The following JPH2 variants were observed in gnomAD, a reference collection of about 807,000 sequenced individuals.
JPH2 encodes the protein junctophilin-2.
JPH2 carries 38 observed loss-of-function variants against 55.9 expected under a neutral mutation model. The ratio of observed to expected loss-of-function variants is 0.68; its 90% CI spans 0.52 to 0.89. The LOEUF (loss-of-function observed/expected upper bound fraction) is 0.89, where lower values mean the gene tolerates loss of function less well. JPH2 is among the 40% of genes least tolerant of loss of function. JPH2 has a pLI of 0.00. For synonymous variants in JPH2, 480 were observed against 472.4 expected (o/e 1.02, Z -0.21); for missense variants, 964 against 1,037.6 (o/e 0.93, Z 0.97).
At chr20:44,127,381 A>T (rs1243255632) in intron 2 of JPH2, among the ~76,000 whole-genome samples, 1 of 152,138 alleles carries the variant, frequency 6.6e-6, no homozygotes, top group African/African-American at 2.4e-5. Flanking sequence ...AGGATCTGCC[A>T]AACTGGTCTT....
chr20:44,135,275 T>C (rs1484586933), intron 2 of JPH2, among the ~76,000 whole-genome samples: 2 of 152,078 alleles, frequency 1.3e-5, no homozygotes, highest in East Asian at 3.9e-4. Flanking sequence ...ATGGAAATGC[T>C]TTCATGTAAC....
intron 1 of JPH2, among the ~76,000 whole-genome samples, chr20:44,173,879 C>A (rs1454720110): frequency 6.6e-6 from 1 of 152,210 alleles, no homozygotes; most frequent in African/African-American, 2.4e-5. Context: ...TACCACTGCA[C>A]TCCAGCCTGG....
intron 2 of JPH2, among the ~76,000 whole-genome samples, chr20:44,131,034 T>A (rs796932162): frequency 2.0e-5 from 3 of 152,306 alleles, no homozygotes; most frequent in African/African-American, 7.2e-5. Context: ...TTCTTCAAAG[T>A]AAGAGATGTC....
At chr20:44,127,439 G>A (rs6103637) in intron 2 of JPH2, among the ~76,000 whole-genome samples, 20,347 of 151,602 alleles carry the variant, frequency 0.13, 1,488 homozygotes, top group East Asian at 0.26. Flanking sequence ...GGTAATACAC[G>A]AGAGTTCCAG....
intron 1 of JPH2, among the ~76,000 whole-genome samples, chr20:44,178,820 T>A (rs1301649322): frequency 6.6e-6 from 1 of 152,182 alleles, no homozygotes; most frequent in African/African-American, 2.4e-5. Flanking sequence ...AGAAAAGATA[T>A]TCTATTATGC....
intron 2 of JPH2, among the ~76,000 whole-genome samples, chr20:44,155,642 C>T (rs1015807512): frequency 9.9e-5 from 15 of 152,148 alleles, no homozygotes; most frequent in African/African-American, 3.6e-4. Flanking sequence ...GGCTGACCCA[C>T]CTTAGCCAAG....
intron 2 of JPH2, among the ~76,000 whole-genome samples, chr20:44,129,714 T>G (rs751403837): frequency 6.6e-6 from 1 of 152,102 alleles, no homozygotes; most frequent in African/African-American, 2.4e-5. Flanking sequence ...CAAAGAGGGC[T>G]TTGCAGGTGT....
At chr20:44,185,299 C>T (rs1310574318) in intron 1 of JPH2, among the ~76,000 whole-genome samples, 3 of 151,972 alleles carry the variant, frequency 2.0e-5, no homozygotes, top group Non-Finnish European at 4.4e-5. Context: ...AAAGCAAGAC[C>T]TATCTTTAAA....
intron 1 of JPH2, among the ~76,000 whole-genome samples, chr20:44,171,139 A>G (rs1410558795): frequency 1.3e-5 from 2 of 152,172 alleles, no homozygotes; most frequent in South Asian, 2.1e-4. Context: ...ATCCCTAGGG[A>G]AAAGATTCTG....
At chr20:44,125,173 ATC>A (rs1278260114) in intron 2 of JPH2, among the ~76,000 whole-genome samples, 1 of 152,044 alleles carries the variant, frequency 6.6e-6, no homozygotes, top group Non-Finnish European at 1.5e-5. Flanking sequence ...AAATCCAGAT[ATC>A]TGTGTCCCTG....
In JPH2 at chr20:44,116,456, T is replaced by A. The variant is rs1462400664; in HGVS notation, c.1289-70A>T. On this transcript the variant is annotated intron_variant, in intron 3 of 5. Transcript: ENST00000372980. Reference sequence around the variant, plus strand: ...TGTTGGGTGATCCTGGGCCAGCCACTTCACCTCTCGAGCCTCATTCATGGG... The same window carrying A: ...TGTTGGGTGATCCTGGGCCAGCCACATCACCTCTCGAGCCTCATTCATGGG... 3.9e-6 allele frequency: 6 copies of A among 1,523,358 alleles called. No individual in the cohort carries two copies. In the African/African-American group the frequency reaches 6.9e-5, roughly 18 times the overall value. The allele number at this position is 1,523,358 out of a possible 1,614,324, so 94.4% of individuals were successfully genotyped here.
chr20:44,134,246 A>T lies in JPH2; in HGVS notation c.1170-15623T>A, dbSNP rs1322202813. ...TAAATATATATAAATATTTATTATA[A>T]ATACATATAAATAAATATTTATTAT... On this transcript the variant is annotated intron_variant, in intron 2 of 5. Coordinates refer to ENST00000372980, the MANE Select transcript of JPH2 (RefSeq NM_020433.5). Among the ~76,000 whole-genome samples, 2 of 34,912 alleles carry T rather than the reference A, an allele frequency of 5.7e-5. 1 individual carries two copies. Among genetic ancestry groups the T allele is most frequent in the Non-Finnish European group, 9.3e-5 (2 of 21,458 alleles). 22.9% of individuals were successfully genotyped at this position (34,912 alleles called of 152,430 possible).
At chr20:44,141,186 G>A (rs1008182575) in intron 2 of JPH2, among the ~76,000 whole-genome samples, 1 of 152,156 alleles carries the variant, frequency 6.6e-6, no homozygotes, top group Non-Finnish European at 1.5e-5. Context: ...TCCCACTAAC[G>A]GAAGCCTAAT....
intron 2 of JPH2, among the ~76,000 whole-genome samples, chr20:44,157,486 T>A (rs185854074): frequency 1.3e-5 from 2 of 152,290 alleles, no homozygotes; most frequent in Admixed American, 1.3e-4. Context: ...CAAGTGTTGA[T>A]CCAGAGGGTG....
At chr20:44,163,051 G>A (rs1416415284) in intron 1 of JPH2, among the ~76,000 whole-genome samples, 1 of 151,550 alleles carries the variant, frequency 6.6e-6, no homozygotes, top group Non-Finnish European at 1.5e-5. Context: ...TTTTCCCATA[G>A]CACGTATCAC....
chr20:44,177,617 C>G (rs2072745471), intron 1 of JPH2: 5 of 1,180,248 alleles, frequency 4.2e-6, no homozygotes, highest in Non-Finnish European at 1.1e-6. Flanking sequence ...TGGCTGTGAA[C>G]TGGGACATGA....
chr20:44,155,368 C>G (rs1338706353), intron 2 of JPH2, among the ~76,000 whole-genome samples: 1 of 152,030 alleles, frequency 6.6e-6, no homozygotes, highest in Non-Finnish European at 1.5e-5. Flanking sequence ...CCTAAGTGGC[C>G]CAGGGTGTTC....
intron 2 of JPH2, among the ~76,000 whole-genome samples, chr20:44,134,441 AT>A (rs1340431291): frequency 8.4e-5 from 1 of 11,888 alleles, no homozygotes; most frequent in Non-Finnish European, 1.3e-4. Context: ...ATAAATATAT[AT>A]AAATATATAT....
At chr20:44,117,876 G>C (rs892797760) in intron 3 of JPH2, among the ~76,000 whole-genome samples, 8 of 152,140 alleles carry the variant, frequency 5.3e-5, no homozygotes, top group Non-Finnish European at 8.8e-5. Flanking sequence ...CTGAGGACTG[G>C]GAATGTACCT....
Sources: allele counts gnomAD v4.1 joint callset (sites outside exome capture counted in the v4.1 genomes callset), GRCh38; gene constraint gnomAD v4.1.1; transcripts MANE v1.5; gene names NCBI Gene and HGNC (gene_info 2026-07-23, HGNC 2026-07-21).